The following PPARGC1B variants were observed in gnomAD, a reference collection of about 807,000 sequenced individuals.
PPARGC1B encodes the protein peroxisome proliferator-activated receptor gamma coactivator 1-beta.
In PPARGC1B, 34 loss-of-function variants were observed where a neutral mutation model predicts 101.6. That is an observed-to-expected ratio of 0.33 (90% confidence interval 0.25 to 0.45). The LOEUF is 0.45. PPARGC1B is among the 20% of genes least tolerant of loss of function. The pLI is 1.00. For synonymous variants in PPARGC1B, 548 were observed against 539.3 expected (o/e 1.02, Z -0.22); for missense variants, 1,234 against 1,317.6 (o/e 0.94, Z 0.98).
At position 149,730,557 on chromosome 5, in the gene PPARGC1B, C is replaced by G. The variant is rs1012828285; in HGVS notation, c.78+137C>G. On this transcript the variant is annotated intron_variant, in intron 1 of 11. Transcript: ENST00000309241. The surrounding 1 kb of genome is among the most constrained non-coding windows in gnomAD (Gnocchi z 4.0). Reference sequence around the variant, plus strand: ...GTTCCAGGCTGCAGAGCCCCCCTTCCAGGCGCCCTGCGATGCGCTCCGTTA... The same window carrying G: ...GTTCCAGGCTGCAGAGCCCCCCTTCGAGGCGCCCTGCGATGCGCTCCGTTA... 1 of 620,558 alleles carries G rather than the reference C, an allele frequency of 1.6e-6. No individual in the cohort carries two copies. Among genetic ancestry groups the G allele is most frequent in the Middle Eastern group, 4.7e-4 (1 of 2,140 alleles). The allele number at this position is 620,558 out of a possible 1,614,324, so 38.4% of individuals were successfully genotyped here.
At chr5:149,756,822 C>T (rs1176409153) in intron 1 of PPARGC1B, among the ~76,000 whole-genome samples, 1 of 152,112 alleles carries the variant, frequency 6.6e-6, no homozygotes, top group East Asian at 1.9e-4. Context: ...ATCTGAGGTT[C>T]CTTGACTAGG....
At chr5:149,826,087 G>A (rs775945021) in intron 2 of PPARGC1B, among the ~76,000 whole-genome samples, 8 of 152,142 alleles carry the variant, frequency 5.3e-5, no homozygotes, top group Non-Finnish European at 8.8e-5. Flanking sequence ...TGGGACCTGG[G>A]GTACAGCCCC....
At chr5:149,839,980 G>T in intron 8 of PPARGC1B, 61 bp from the exon 9 acceptor site, 1 of 1,533,568 alleles carries the variant, frequency 6.5e-7, no homozygotes, top group Non-Finnish European at 9.0e-7. Context: ...GAGCAGATCC[G>T]CCCCCACCCC....
chr5:149,771,553 G>A (rs2113188257), intron 1 of PPARGC1B, among the ~76,000 whole-genome samples: 1 of 152,332 alleles, frequency 6.6e-6, no homozygotes, highest in Admixed American at 6.5e-5. Context: ...AGGGGATGGG[G>A]AACTAACTGG....
Position 149,836,397 on chromosome 5 carries a change from C to T in PPARGC1B, c.1942C>T (p.Pro648Ser). 1 of 1,614,142 alleles carries T rather than the reference C, an allele frequency of 6.2e-7. No homozygotes were observed. Among genetic ancestry groups the T allele is most frequent in the Non-Finnish European group, 8.5e-7 (1 of 1,180,024 alleles). ...SPEGLSLKATPGAAHKLPKKH... is the reference protein window; with the variant it reads ...SPEGLSLKATSGAAHKLPKKH... Reference sequence around the variant, plus strand: ...TGAGGGCCTCTCACTCAAGGCCACCCCAGGGGCTGCCCACAAGCTGCCAAA... The same window carrying T: ...TGAGGGCCTCTCACTCAAGGCCACCTCAGGGGCTGCCCACAAGCTGCCAAA... The change falls in exon 8 of 12, where the codon CCA (proline) becomes TCA (serine). Residue 648 changes from proline (P) to serine (S), a missense_variant. By Grantham distance (74) the Pro-to-Ser change is moderately conservative. Transcript: ENST00000309241.
intron 1 of PPARGC1B, among the ~76,000 whole-genome samples, chr5:149,792,279 G>A (rs1393352731): frequency 6.6e-6 from 1 of 152,190 alleles, no homozygotes; most frequent in Non-Finnish European, 1.5e-5. Context: ...GTGTCCCAGG[G>A]GAGACTTCGG....
At chr5:149,759,588 G>A (rs1226269476) in intron 1 of PPARGC1B, among the ~76,000 whole-genome samples, 1 of 152,238 alleles carries the variant, frequency 6.6e-6, no homozygotes, top group Non-Finnish European at 1.5e-5. Context: ...GACTTGGGCA[G>A]CATACAAATG....
chr5:149,788,659 T>A (rs10783179), intron 1 of PPARGC1B, among the ~76,000 whole-genome samples: 90,988 of 152,024 alleles, frequency 0.6, 27,521 homozygotes, highest in East Asian at 0.78. Context: ...CACAATAGCA[T>A]AGACTTGGAA....
intron 1 of PPARGC1B, among the ~76,000 whole-genome samples, chr5:149,783,091 A>AAGAGAT (rs112659881): frequency 2.0e-5 from 3 of 149,930 alleles, no homozygotes; most frequent in Non-Finnish European, 4.4e-5. Context: ...ATGAGAGATA[A>AAGAGAT]AGAGAGAGAG....
chr5:149,757,883 T>C (rs746433447), intron 1 of PPARGC1B, among the ~76,000 whole-genome samples: 4 of 152,224 alleles, frequency 2.6e-5, no homozygotes, highest in Non-Finnish European at 5.9e-5. Context: ...ATGGAGGCCT[T>C]GGACTCCCAT....
In PPARGC1B at chr5:149,797,276, G is replaced by A. The variant is rs78615058; in HGVS notation, c.79-23157G>A. Reference sequence around the variant, plus strand: ...CAATGCTTTAAACCTCACGTTTAAGGGGTCTGTGAACTTGGATGGAAAAAA... The same window carrying A: ...CAATGCTTTAAACCTCACGTTTAAGAGGTCTGTGAACTTGGATGGAAAAAA... On this transcript the variant is annotated intron_variant, in intron 1 of 11. Coordinates refer to ENST00000309241, the MANE Select transcript of PPARGC1B (RefSeq NM_133263.4). Among the ~76,000 whole-genome samples the A allele has an allele frequency of 1.5e-3, 230 of 152,312 alleles. 2 individuals are homozygous for A. The highest frequency in any genetic ancestry group is 0.014 in the Middle Eastern group (4 of 294).
At chr5:149,743,342 G>A (rs1204580353) in intron 1 of PPARGC1B, among the ~76,000 whole-genome samples, 7 of 151,914 alleles carry the variant, frequency 4.6e-5, no homozygotes, top group Non-Finnish European at 8.8e-5. Flanking sequence ...TTTTAGTGGA[G>A]ATGGGATTTC....
At chr5:149,805,724 T>A (rs765284764) in intron 1 of PPARGC1B, among the ~76,000 whole-genome samples, 1 of 152,246 alleles carries the variant, frequency 6.6e-6, no homozygotes, top group Non-Finnish European at 1.5e-5. Flanking sequence ...TGTAAGCCAC[T>A]GCGCCTGGCC....
At chr5:149,808,170 T>A (rs1757671752) in intron 1 of PPARGC1B, among the ~76,000 whole-genome samples, 1 of 152,192 alleles carries the variant, frequency 6.6e-6, no homozygotes, top group East Asian at 1.9e-4. Flanking sequence ...ATTTTGTTAA[T>A]CTTGGGTGGA....
intron 10 of PPARGC1B, among the ~76,000 whole-genome samples, chr5:149,844,156 T>C (rs557713537): frequency 2.6e-5 from 4 of 152,324 alleles, no homozygotes; most frequent in Admixed American, 6.5e-5. Context: ...TTTTTGCCAA[T>C]TTTTTTAAAA....
At chr5:149,785,857 A>C (rs1376019969) in intron 1 of PPARGC1B, among the ~76,000 whole-genome samples, 1 of 151,982 alleles carries the variant, frequency 6.6e-6, no homozygotes, top group Non-Finnish European at 1.5e-5. Context: ...CCAAGGGTCC[A>C]GGACAAGGCT....
intron 3 of PPARGC1B, among the ~76,000 whole-genome samples, chr5:149,828,208 A>T (rs1240192684): frequency 6.6e-6 from 1 of 152,144 alleles, no homozygotes; most frequent in Non-Finnish European, 1.5e-5. Flanking sequence ...AGCACCCACC[A>T]TGCCAGGCAC....
chr5:149,751,017 G>A (rs1397606707), intron 1 of PPARGC1B, among the ~76,000 whole-genome samples: 1 of 151,656 alleles, frequency 6.6e-6, no homozygotes, highest in Admixed American at 6.6e-5. Context: ...CTATAACACA[G>A]ACAGTTGTTT....
At position 149,732,694 on chromosome 5, in the gene PPARGC1B, C is replaced by G. The variant is rs113431878; in HGVS notation, c.78+2274C>G. 7.3e-4 allele frequency: 307 copies of G among 420,666 alleles called. 1 individual carries two copies. Among genetic ancestry groups the G allele is most frequent in the African/African-American group, 5.8e-3 (274 of 47,060 alleles). The allele number at this position is 420,666 out of a possible 1,614,324, so 26.1% of individuals were successfully genotyped here. On this transcript the variant is annotated intron_variant, in intron 1 of 11. Transcript: ENST00000309241. Reference sequence around the variant, plus strand: ...AGCTTTGAGCCGCCCCTAGAAGGCTCGGAGAGCCCAGCCGGAAGAGGACCT... The same window carrying G: ...AGCTTTGAGCCGCCCCTAGAAGGCTGGGAGAGCCCAGCCGGAAGAGGACCT...
Sources: allele counts gnomAD v4.1 joint callset (sites outside exome capture counted in the v4.1 genomes callset), GRCh38; gene constraint gnomAD v4.1.1; non-coding constraint Gnocchi (gnomAD v3.1); transcripts MANE v1.5; gene names NCBI Gene and HGNC (gene_info 2026-07-23, HGNC 2026-07-21).